EIF3K: variants seen among roughly 807,000 people sequenced by gnomAD.
The protein encoded by EIF3K is eukaryotic translation initiation factor 3 subunit K, also known as eIF-3 p28.
EIF3K carries 27 observed loss-of-function variants against 34.2 expected under a neutral mutation model. That is an observed-to-expected ratio of 0.79 (90% CI 0.58 to 1.09). The LOEUF (loss-of-function observed/expected upper bound fraction) is 1.09. Among genes scored for constraint, EIF3K ranks in the 50% least tolerant of loss-of-function variants. The pLI, the probability that EIF3K is intolerant of heterozygous loss-of-function variation, is 0.00. For synonymous variants in EIF3K, 105 were observed against 105.7 expected, an observed-to-expected ratio of 0.99 and a Z score of 0.04; for missense variants, 232 against 275.4, an observed-to-expected ratio of 0.84 and a Z score of 1.11.
At chr19:38,631,569 C>T (rs112714668) in intron 4 of EIF3K, among the ~76,000 whole-genome samples, 4 of 152,330 alleles carry the variant, frequency 2.6e-5, no homozygotes, top group Non-Finnish European at 5.9e-5. Context: ...TCGGGTTTTA[C>T]ACGAGACATT....
chr19:38,621,734 A>ACT (rs1975844809), intron 2 of EIF3K, among the ~76,000 whole-genome samples: 1 of 151,928 alleles, frequency 6.6e-6, no homozygotes, highest in South Asian at 2.1e-4. Flanking sequence ...GCCATTTGCT[A>ACT]CTCAGCACTG....
intron 3 of EIF3K, among the ~76,000 whole-genome samples, chr19:38,624,439 G>C (rs1975906311): frequency 6.6e-6 from 1 of 152,082 alleles, no homozygotes; most frequent in Non-Finnish European, 1.5e-5. Flanking sequence ...TCAGGGTTGG[G>C]TTACAAGAGT....
At chr19:38,621,304 T>C (rs1206337490) in intron 2 of EIF3K, among the ~76,000 whole-genome samples, 1 of 151,822 alleles carries the variant, frequency 6.6e-6, no homozygotes, top group African/African-American at 2.4e-5. Context: ...TCCCAGCTCC[T>C]TGGGAGGCTG....
chr19:38,629,822 G>A (rs116857141), intron 4 of EIF3K, among the ~76,000 whole-genome samples: 1,941 of 152,288 alleles, frequency 0.013, 30 homozygotes, highest in Admixed American at 0.037. Flanking sequence ...GGCTGGAGCA[G>A]GGTGAGTGAG....
At chr19:38,620,904 A>G (rs1302660380) in intron 2 of EIF3K, among the ~76,000 whole-genome samples, 1 of 149,864 alleles carries the variant, frequency 6.7e-6, no homozygotes, top group Non-Finnish European at 1.5e-5. Context: ...CAAAAATAAT[A>G]ATAAAAAATC....
At chr19:38,622,697 T>A (rs1343315260) in intron 2 of EIF3K, among the ~76,000 whole-genome samples, 2 of 152,232 alleles carry the variant, frequency 1.3e-5, no homozygotes, top group Non-Finnish European at 2.9e-5. Flanking sequence ...CTGGGAACGC[T>A]ATGGGAGACG....
chr19:38,624,459 C>G (rs1166287518), intron 3 of EIF3K, among the ~76,000 whole-genome samples: 1 of 152,016 alleles, frequency 6.6e-6, no homozygotes, highest in Non-Finnish European at 1.5e-5. Flanking sequence ...TCACAGCAGC[C>G]GGGCACAATG....
At chr19:38,634,847 A>G in intron 6 of EIF3K, 146 bp from the exon 7 acceptor site, 1 of 1,182,442 alleles carries the variant, frequency 8.5e-7, no homozygotes, top group Non-Finnish European at 1.2e-6. Context: ...AAGCAAGGAG[A>G]CCAGGCCAGC....
intron 4 of EIF3K, among the ~76,000 whole-genome samples, chr19:38,630,321 C>T (rs1465551008): frequency 2.0e-5 from 3 of 150,268 alleles, no homozygotes; most frequent in Non-Finnish European, 4.4e-5. Flanking sequence ...CCACCACACC[C>T]GGTTTAATTA....
chr19:38,635,348 A>C, intron 7 of EIF3K: 1 of 577,136 alleles, frequency 1.7e-6, no homozygotes, highest in South Asian at 2.5e-5. Flanking sequence ...GCCCCATAGC[A>C]CTCAGCAAGA....
At chr19:38,619,729 C>T (rs1975798021) in intron 1 of EIF3K, among the ~76,000 whole-genome samples, 2 of 152,238 alleles carry the variant, frequency 1.3e-5, no homozygotes, top group South Asian at 2.1e-4. Flanking sequence ...TCTCCCTTCT[C>T]TGCTCTATAA....
At position 38,624,181 on chromosome 19, in the gene EIF3K, T is replaced by C. The variant is rs1193156217; in HGVS notation, c.263T>C (p.Met88Thr). The change falls in exon 3 of 8, where the codon ATG (methionine) becomes ACG (threonine). Residue 88 changes from methionine (M) to threonine (T), a missense_variant. By Grantham distance (81) the Met-to-Thr change is moderately conservative. Coordinates refer to ENST00000248342, the MANE Select transcript of EIF3K (RefSeq NM_013234.4). ...PHTDFTLCKC[M>T]IDQAHQEERP... Reference sequence around the variant, plus strand: ...ACAGACTTCACCCTGTGCAAGTGCATGATCGACCAGGCACATGTATCCTTC... The same window carrying C: ...ACAGACTTCACCCTGTGCAAGTGCACGATCGACCAGGCACATGTATCCTTC... 1.9e-6 allele frequency: 3 copies of C among 1,614,052 alleles called. No homozygotes were observed. Among genetic ancestry groups the C allele is most frequent in the African/African-American group, 1.3e-5 (1 of 74,928 alleles).
chr19:38,621,883 C>CATTGT (rs956092128), intron 2 of EIF3K, among the ~76,000 whole-genome samples: 11 of 146,982 alleles, frequency 7.5e-5, no homozygotes, highest in Non-Finnish European at 1.2e-4. Flanking sequence ...TCTTGATGGA[C>CATTGT]ATTGTGGGTT....
chr19:38,621,925 T>G (rs1422578247), intron 2 of EIF3K, among the ~76,000 whole-genome samples: 2 of 147,586 alleles, frequency 1.4e-5, no homozygotes, highest in African/African-American at 5.0e-5. Flanking sequence ...TTTTTTTTTT[T>G]GGAGACAGGA....
At chr19:38,634,949 G>C (rs1397750838) in intron 6 of EIF3K, 44 bp from the exon 7 acceptor site, 3 of 1,612,674 alleles carry the variant, frequency 1.9e-6, no homozygotes, top group African/African-American at 2.7e-5. Context: ...TGGAACTGTG[G>C]GATCAGGCTG....
At chr19:38,635,185 GGGGCCCAGA>G in intron 7 of EIF3K, 67 bp downstream of exon 7, 1 of 1,607,128 alleles carries the variant, frequency 6.2e-7, no homozygotes, top group Non-Finnish European at 8.5e-7. Flanking sequence ...GGCCGAGGCA[GGGGCCCAGA>G]GGACCTGGGT....
rs773122379 is a variant in EIF3K, at chr19:38,626,038, G to A, written c.290G>A (p.Arg97Gln). Residue 97 changes from arginine (R) to glutamine (Q), a missense_variant, in exon 4 of 8, where the codon CGG becomes CAG. Transcript: ENST00000248342. ...CMIDQAHQEERPIRQILYLGD... is the reference protein window; with the variant it reads ...CMIDQAHQEEQPIRQILYLGD... ...GCTTCCTCCTCCCAGCAAGAAGAACGGCCAATCCGACAGATTTTGTACCTC... is the reference window on the plus strand; with the variant it reads ...GCTTCCTCCTCCCAGCAAGAAGAACAGCCAATCCGACAGATTTTGTACCTC... The A allele has an allele frequency of 1.2e-6, 2 of 1,614,168 alleles. No homozygotes were observed. The highest frequency in any genetic ancestry group is 1.6e-4 in the Middle Eastern group (1 of 6,062).
chr19:38,623,302 C>T (rs922574513), intron 2 of EIF3K, among the ~76,000 whole-genome samples: 2 of 152,176 alleles, frequency 1.3e-5, no homozygotes, highest in Non-Finnish European at 2.9e-5. Flanking sequence ...TCCCTGACTT[C>T]CCGCAACAGG....
In EIF3K at chr19:38,635,006, G is replaced by C; in HGVS notation, c.513G>C (p.Lys171Asn). The C allele has an allele frequency of 6.2e-7, 1 of 1,614,162 alleles. No homozygotes were observed. The highest frequency in any genetic ancestry group is 8.5e-7 in the Non-Finnish European group (1 of 1,180,048). Reference protein sequence around the residue: ...MLGDLSDSQLKVWMSKYGWSA... With the variant: ...MLGDLSDSQLNVWMSKYGWSA... ...TGTCACCTGCAGACAGCCAGCTAAAGGTGTGGATGAGCAAATACGGCTGGA... is the reference window on the plus strand; with the variant it reads ...TGTCACCTGCAGACAGCCAGCTAAACGTGTGGATGAGCAAATACGGCTGGA... Residue 171 changes from lysine (K) to asparagine (N), a missense_variant, in exon 7 of 8, where the codon AAG becomes AAC. Coordinates refer to ENST00000248342, the MANE Select transcript of EIF3K (RefSeq NM_013234.4).
Sources: allele counts gnomAD v4.1 joint callset (sites outside exome capture counted in the v4.1 genomes callset), GRCh38; gene constraint gnomAD v4.1.1; transcripts MANE v1.5; gene names NCBI Gene and HGNC (gene_info 2026-07-23, HGNC 2026-07-21).